The following MROH2A variants were observed in gnomAD, a reference collection of about 807,000 sequenced individuals.
The protein encoded by MROH2A is maestro heat-like repeat-containing protein family member 2A.
MROH2A carries 174 observed loss-of-function variants against 200.4 expected under a neutral mutation model. The observed-to-expected ratio is 0.87, with a 90% CI of 0.77 to 0.98. The LOEUF (loss-of-function observed/expected upper bound fraction) is 0.98. MROH2A is among the 50% of genes least tolerant of loss of function. The pLI is 0.00. For missense variants in MROH2A, 2,045 were observed against 2,139.6 expected (o/e 0.96, Z 0.87); for synonymous variants, 829 against 840.4 (o/e 0.99, Z 0.23).
At chr2:233,795,828 C>T in intron 9 of MROH2A, 83 bp downstream of exon 9, 1 of 1,548,464 alleles carries the variant, frequency 6.5e-7, no homozygotes, top group Non-Finnish European at 8.7e-7. Context: ...GCCTGGCCCA[C>T]AACTCACTCG....
In MROH2A at chr2:233,811,182, G is replaced by A. The variant is rs552012641; in HGVS notation, c.2571+266G>A. Among the ~76,000 whole-genome samples, 10 of 152,356 alleles carry A rather than the reference G, an allele frequency of 6.6e-5. No homozygotes were observed. The East Asian group carries it at 1.7e-3, about 26-fold the overall frequency. On this transcript the variant is annotated intron_variant, in intron 23 of 41. Transcript: ENST00000389758. ...TGCAGTGCCCAGGGCAGCTGGTTAA[G>A]GCCTGATAGACAGAGATTCCCTGGG...
At position 233,779,732 on chromosome 2, in the gene MROH2A, C is replaced by T; in HGVS notation, c.156C>T (p.Asp52=). Reference sequence around the variant, plus strand: ...TTGACAGCGAGTCAGCAAAGACGGACACAACAGGGGCAGGCCTTGACATGC... The same window carrying T: ...TTGACAGCGAGTCAGCAAAGACGGATACAACAGGGGCAGGCCTTGACATGC... ...DIIDSESAKT[D]TTGAGLDMRK... Residue 52 remains aspartate, a synonymous_variant, in exon 3 of 42, where the codon GAC becomes GAT. Coordinates refer to ENST00000389758, the MANE Select transcript of MROH2A (RefSeq NM_001394639.1). 1.3e-6 allele frequency: 2 copies of T among 1,551,148 alleles called. No individual in the cohort carries two copies. The highest frequency in any genetic ancestry group is 8.7e-7 in the Non-Finnish European group (1 of 1,147,128).
intron 17 of MROH2A, 92 bp from the exon 18 acceptor site, chr2:233,804,403 C>A (rs1702663214): frequency 5.6e-6 from 8 of 1,433,284 alleles, no homozygotes; most frequent in Middle Eastern, 1.7e-4. Flanking sequence ...GCCTCAAATG[C>A]CACGCTAAGG....
In MROH2A at chr2:233,789,894, G is replaced by T. The variant is rs1298180561; in HGVS notation, c.451G>T (p.Val151Leu). Residue 151 changes from valine to leucine, a missense_variant, in exon 5 of 42, where the codon GTG becomes TTG. Around this residue, in one of 3 missense-constraint regions of MROH2A, gnomAD observed 831 missense variants for 800.0 expected, o/e 1.04. Transcript: ENST00000389758. ...MKAEVASDTL[V>L]ALSRNHFSLV... Reference sequence around the variant, plus strand: ...GGCAGAGGTGGCCAGCGACACACTGGTGGCTCTGTCCCGAAACCACTTCAG... The same window carrying T: ...GGCAGAGGTGGCCAGCGACACACTGTTGGCTCTGTCCCGAAACCACTTCAG... The T allele has an allele frequency of 1.9e-6, 3 of 1,550,332 alleles. No individual in the cohort carries two copies. The African/African-American group carries it at 4.1e-5, about 21-fold the overall frequency.
rs953560599 is a variant in MROH2A, at chr2:233,795,956, T to A, written c.1060-11T>A. 2.1e-5 allele frequency: 32 copies of A among 1,550,134 alleles called. No individual in the cohort carries two copies. Among genetic ancestry groups the A allele is most frequent in the Non-Finnish European group, 2.8e-5 (32 of 1,146,766 alleles). On this transcript the variant is annotated splice_polypyrimidine_tract_variant and intron_variant, in intron 9 of 41. Coordinates refer to ENST00000389758, the MANE Select transcript of MROH2A (RefSeq NM_001394639.1). The stretch of plus-strand genomic sequence containing the variant: ...TGATCTCCTCCAGCCTCACTGCACG[T>A]CCCTCACCAGGTGTGCAACAAGGCC...
At chr2:233,813,805 G>T (rs1168013479) in intron 25 of MROH2A, 27 bp downstream of exon 25, 1 of 1,329,064 alleles carries the variant, frequency 7.5e-7, no homozygotes, top group Non-Finnish European at 1.1e-6. Context: ...TGCCTCATTT[G>T]CTGGGTCAGG....
In MROH2A at chr2:233,820,075, G is replaced by A. The variant is rs1575999734; in HGVS notation, c.3512+19G>A. 1 of 1,494,436 alleles carries A rather than the reference G, an allele frequency of 6.7e-7. No individual in the cohort carries two copies. Among genetic ancestry groups the A allele is most frequent in the Non-Finnish European group, 9.0e-7 (1 of 1,113,864 alleles). The allele number at this position is 1,494,436 out of a possible 1,614,324, so 92.6% of individuals were successfully genotyped here. A position where few individuals can be genotyped will look rare whatever the true frequency, so the allele number is the denominator to read the frequency against. On this transcript the variant is annotated intron_variant, in intron 31 of 41. Transcript: ENST00000389758. This position sits in a 1 kb window ranked among gnomAD's most constrained non-coding sequence, Gnocchi z 4.1. ...TGGAGAGGTGGGTGCCCTGGAGGAG[G>A]TGGCCCCGGCCTCCTGTGCCATTTG...
At chr2:233,795,577 C>T in intron 8 of MROH2A, 76 bp from the exon 9 acceptor site, 1 of 1,548,112 alleles carries the variant, frequency 6.5e-7, no homozygotes, top group Non-Finnish European at 8.7e-7. Flanking sequence ...TCAGTGGGCC[C>T]CTGAGTAGCG....
intron 31 of MROH2A, among the ~76,000 whole-genome samples, chr2:233,821,793 A>C (rs764730338): frequency 6.6e-6 from 1 of 151,920 alleles, no homozygotes; most frequent in Non-Finnish European, 1.5e-5. Context: ...CCTGATGCAA[A>C]TTGGGCACTA....
At chr2:233,777,036 G>A (rs1700728791), upstream of MROH2A, among the ~76,000 whole-genome samples, 1 of 152,224 alleles carries the variant, frequency 6.6e-6, no homozygotes, top group Non-Finnish European at 1.5e-5. Context: ...AGCTGTCTGA[G>A]ATACATGGGT....
intron 3 of MROH2A, among the ~76,000 whole-genome samples, chr2:233,788,464 T>C (rs954420335): frequency 6.6e-6 from 1 of 151,940 alleles, no homozygotes; most frequent in African/African-American, 2.4e-5. Context: ...CTCCCTGTAC[T>C]GGATTTCACC....
At chr2:233,789,472 T>C in intron 3 of MROH2A, 25 bp from the exon 4 acceptor site, 2 of 1,386,426 alleles carry the variant, frequency 1.4e-6, no homozygotes, top group Middle Eastern at 1.9e-4. Context: ...TGAGGTCCAT[T>C]CCACCCACCA....
In MROH2A at chr2:233,832,191, G is replaced by A. The variant is rs750533000; in HGVS notation, c.4749G>A (p.Pro1583=). ...ACTTTTTGCAGACTCGGAAAAAGCC[G>A]GCTGTTCTCTACCGCTTCTTGCTAG... ...TMCSILTRKK[P]AVLYRFLLET... is the part of the protein sequence containing the mutation. The change falls in exon 40 of 42, where the codon CCG becomes CCA. Residue 1583 remains proline (P), a synonymous_variant. Transcript: ENST00000389758. 5.8e-6 allele frequency: 9 copies of A among 1,550,396 alleles called. 1 individual carries two copies. Among genetic ancestry groups the A allele is most frequent in the South Asian group, 3.6e-5 (3 of 84,064 alleles).
intron 27 of MROH2A, 78 bp from the exon 28 acceptor site, chr2:233,817,924 C>A: frequency 6.6e-7 from 1 of 1,524,622 alleles, no homozygotes; most frequent in South Asian, 1.2e-5. Context: ...ATCAAGTTGT[C>A]CTTTACACTG....
At chr2:233,804,897 G>A (rs1016179790) in intron 18 of MROH2A, 107 bp from the exon 19 acceptor site, 9 of 629,478 alleles carry the variant, frequency 1.4e-5, no homozygotes, top group African/African-American at 1.8e-5. Flanking sequence ...CAAGGGAAGC[G>A]AGAGAGGGCA....
intron 35 of MROH2A, among the ~76,000 whole-genome samples, chr2:233,826,707 C>CAA (rs1436841513): frequency 6.6e-6 from 1 of 152,094 alleles, no homozygotes; most frequent in Non-Finnish European, 1.5e-5. Flanking sequence ...GCAACAAAAG[C>CAA]AAAAATTGAC....
At chr2:233,821,586 G>A (rs1365474400) in intron 31 of MROH2A, among the ~76,000 whole-genome samples, 2 of 152,162 alleles carry the variant, frequency 1.3e-5, no homozygotes, top group Non-Finnish European at 2.9e-5. Flanking sequence ...CCTATCCTGG[G>A]GGACATCCCT....
chr2:233,776,338 GA>G (rs1374510208), upstream of MROH2A, among the ~76,000 whole-genome samples: 1 of 146,858 alleles, frequency 6.8e-6, no homozygotes, highest in Non-Finnish European at 1.5e-5. Flanking sequence ...GTCATAATCA[GA>G]AAAAAATGTA....
chr2:233,832,586 T>C lies in MROH2A; in HGVS notation c.4845T>C (p.Ile1615=), dbSNP rs777273981. 31 of 1,548,602 alleles carry C rather than the reference T, an allele frequency of 2.0e-5. No homozygotes were observed. The East Asian group carries it at 7.3e-4, about 37-fold the overall frequency. Residue 1615 remains isoleucine (I), a synonymous_variant, in exon 41 of 42, where the codon ATT becomes ATC. Transcript: ENST00000389758. ...CTTTGGCTATTGTTTTAGGAATTATTATGAAGCAGATGTCTACACATTATC... is the reference window on the plus strand; with the variant it reads ...CTTTGGCTATTGTTTTAGGAATTATCATGAAGCAGATGTCTACACATTATC... The part of the protein sequence containing the change: ...RIAACNLAGI[I]MKQMSTHYLK...
Sources: allele counts gnomAD v4.1 joint callset (sites outside exome capture counted in the v4.1 genomes callset), GRCh38; gene constraint gnomAD v4.1.1; regional missense constraint gnomAD v4.1.1; non-coding constraint Gnocchi (gnomAD v3.1); transcripts MANE v1.5; gene names NCBI Gene and HGNC (gene_info 2026-07-23, HGNC 2026-07-21).